Variants in VWA3B observed in about 807,000 individuals in gnomAD.
VWA3B encodes von Willebrand factor A domain containing 3B.
Under a neutral mutation model 158.3 loss-of-function variants are expected in VWA3B, and 138 were observed. The observed-to-expected ratio is 0.87, with a 90% CI of 0.76 to 1.00. The LOEUF is 1.00. Among genes scored for constraint, VWA3B ranks in the 50% least tolerant of loss-of-function variants. The probability of loss-of-function intolerance (pLI) is 0.00; values close to 1 mark genes in which losing one functional copy is unlikely to be tolerated. For missense variants in VWA3B, 1,555 were observed against 1,565.1 expected (o/e 0.99, Z 0.11); for synonymous variants, 596 against 587.3 (o/e 1.01, Z -0.21).
At chr2:98,198,174 A>G (rs1682223907) in intron 12 of VWA3B, among the ~76,000 whole-genome samples, 1 of 152,170 alleles carries the variant, frequency 6.6e-6, no homozygotes, top group Non-Finnish European at 1.5e-5. Flanking sequence ...CACAGAGCCC[A>G]GGGTTCATTT....
chr2:98,105,896 T>TTTTA (rs569443221), intron 2 of VWA3B, among the ~76,000 whole-genome samples: 154 of 152,072 alleles, frequency 1.0e-3, no homozygotes, highest in African/African-American at 2.9e-3. Context: ...TCTATTTTGT[T>TTTTA]TTTATTTATT....
At chr2:98,182,887 G>A (rs747269465) in intron 9 of VWA3B, among the ~76,000 whole-genome samples, 6 of 152,104 alleles carry the variant, frequency 3.9e-5, no homozygotes, top group South Asian at 2.1e-4. Flanking sequence ...CAGCCTGGGC[G>A]GCAGAGGGAG....
chr2:98,250,446 A>T lies in VWA3B; in HGVS notation c.2792+10A>T. On this transcript the variant is annotated intron_variant, in intron 20 of 27. Transcript: ENST00000477737. ...TTCAATCCTATGAAAAGTGAGTATT[A>T]CTCTTGGCTGCTCTTTAATGGATGT... 1 of 1,583,346 alleles carries T rather than the reference A, an allele frequency of 6.3e-7. No individual in the cohort carries two copies. Among genetic ancestry groups the T allele is most frequent in the Non-Finnish European group, 8.6e-7 (1 of 1,159,826 alleles).
chr2:98,268,091 A>G (rs1687961729), intron 21 of VWA3B, among the ~76,000 whole-genome samples: 1 of 151,874 alleles, frequency 6.6e-6, no homozygotes, highest in Admixed American at 6.6e-5. Flanking sequence ...ATGGATTCAC[A>G]GCCGAATTCT....
intron 1 of VWA3B, among the ~76,000 whole-genome samples, chr2:98,092,846 A>ATATATG (rs1682434836): frequency 7.6e-6 from 1 of 132,022 alleles, no homozygotes; most frequent in African/African-American, 3.0e-5. Flanking sequence ...ATATATATAT[A>ATATATG]TATATATATA....
At chr2:98,219,721 G>A (rs1389243904) in intron 14 of VWA3B, among the ~76,000 whole-genome samples, 4 of 152,178 alleles carry the variant, frequency 2.6e-5, no homozygotes, top group Non-Finnish European at 4.4e-5. Flanking sequence ...AGGAACAGTA[G>A]TAAAGATGAC....
At chr2:98,234,393 T>C (rs1685537946) in intron 16 of VWA3B, among the ~76,000 whole-genome samples, 1 of 152,148 alleles carries the variant, frequency 6.6e-6, no homozygotes, top group Non-Finnish European at 1.5e-5. Context: ...AGTCCTACAA[T>C]TGCAAGGAGC....
intron 2 of VWA3B, among the ~76,000 whole-genome samples, chr2:98,114,256 C>G (rs1293110215): frequency 6.6e-6 from 1 of 152,210 alleles, no homozygotes; most frequent in Non-Finnish European, 1.5e-5. Flanking sequence ...CAAAAAACAG[C>G]TTCCTCTCCC....
At chr2:98,297,641 CTG>C (rs1383462764) in intron 23 of VWA3B, among the ~76,000 whole-genome samples, 3 of 152,120 alleles carry the variant, frequency 2.0e-5, no homozygotes, top group Non-Finnish European at 4.4e-5. Context: ...AGGATGGGGG[CTG>C]ATGGCGCAGG....
chr2:98,272,295 C>T (rs1045589112), intron 22 of VWA3B, among the ~76,000 whole-genome samples: 3 of 152,190 alleles, frequency 2.0e-5, no homozygotes, highest in South Asian at 2.1e-4. Flanking sequence ...GAAACACCAA[C>T]GTTTAGCAGT....
At chr2:98,124,346 G>A (rs1287436664) in intron 5 of VWA3B, among the ~76,000 whole-genome samples, 1 of 152,218 alleles carries the variant, frequency 6.6e-6, no homozygotes, top group African/African-American at 2.4e-5. Context: ...GATGGTCTGT[G>A]TGGGATTGAA....
At chr2:98,236,844 G>GAA (rs1377088413) in intron 19 of VWA3B, 114 bp downstream of exon 19, 18 of 1,410,504 alleles carry the variant, frequency 1.3e-5, no homozygotes, top group Non-Finnish European at 1.6e-5. Flanking sequence ...GCCACTGGGG[G>GAA]AAAAAGTATT....
intron 1 of VWA3B, among the ~76,000 whole-genome samples, chr2:98,090,220 G>A (rs989439357): frequency 6.6e-6 from 1 of 152,152 alleles, no homozygotes; most frequent in Non-Finnish European, 1.5e-5. Context: ...AGTCTTTGTG[G>A]ATAGATCCTC....
At chr2:98,243,168 AC>A (rs1297913660) in intron 19 of VWA3B, among the ~76,000 whole-genome samples, 1 of 152,078 alleles carries the variant, frequency 6.6e-6, no homozygotes, top group African/African-American at 2.4e-5. Flanking sequence ...CCTGTTTTGT[AC>A]CTGCATTTTT....
chr2:98,310,155 C>T (rs1160493914), intron 26 of VWA3B, among the ~76,000 whole-genome samples: 1 of 152,234 alleles, frequency 6.6e-6, no homozygotes, highest in Non-Finnish European at 1.5e-5. Context: ...CAAACATCTG[C>T]TGGTGCCTAC....
intron 25 of VWA3B, among the ~76,000 whole-genome samples, chr2:98,303,421 GGT>G (rs58157632): frequency 0.021 from 3,108 of 146,464 alleles, 49 homozygotes; most frequent in African/African-American, 0.052. Context: ...GTTATGTGAA[GGT>G]GTGTGTGTGT....
rs567194266 is a variant in VWA3B, at chr2:98,247,033, T to C, written c.2674-3285T>C. Among the ~76,000 whole-genome samples the C allele has an allele frequency of 5.3e-5, 8 of 152,162 alleles. No individual in the cohort carries two copies. The South Asian group carries it at 1.7e-3, about 32-fold the overall frequency. ...TTTTTTTTGAGACAGAGCCTCGCAC[T>C]GTCGCCCAGGCTGCAGTGTAGTGGT... On this transcript the variant is annotated intron_variant, in intron 19 of 27. Coordinates refer to ENST00000477737, the MANE Select transcript of VWA3B (RefSeq NM_144992.5).
chr2:98,303,771 A>C lies in VWA3B; in HGVS notation c.3490A>C (p.Lys1164Gln). 5 of 1,614,104 alleles carry C rather than the reference A, an allele frequency of 3.1e-6. No individual in the cohort carries two copies. The highest frequency in any genetic ancestry group is 4.2e-6 in the Non-Finnish European group (5 of 1,180,010). The change falls in exon 26 of 28, where the codon AAG (lysine) becomes CAG (glutamine). Residue 1164 changes from lysine to glutamine, a missense_variant. Lys to Gln is a moderately conservative substitution (Grantham distance 53). Transcript: ENST00000477737. The part of the protein sequence containing the change: ...NKYALSCSHI[K>Q]SPPIPEDPEV... ...GTATGCGCTCTCTTGCTCTCATATAAAGTCACCCCCAATTCCTGAGGATCC... is the reference window on the plus strand; with the variant it reads ...GTATGCGCTCTCTTGCTCTCATATACAGTCACCCCCAATTCCTGAGGATCC...
intron 7 of VWA3B, among the ~76,000 whole-genome samples, chr2:98,148,923 G>A (rs147629136): frequency 3.0e-4 from 45 of 152,292 alleles, no homozygotes; most frequent in African/African-American, 6.5e-4. Context: ...TGGGCTTCAC[G>A]TTATCCAAAT....
Sources: allele counts gnomAD v4.1 joint callset (sites outside exome capture counted in the v4.1 genomes callset), GRCh38; gene constraint gnomAD v4.1.1; transcripts MANE v1.5; gene names NCBI Gene and HGNC (gene_info 2026-07-23, HGNC 2026-07-21).